ABHD17C: variants seen among roughly 807,000 people sequenced by gnomAD.
The protein encoded by ABHD17C is abhydrolase domain containing 17C, depalmitoylase, also known as alpha/beta hydrolase domain-containing protein 17C.
Under a neutral mutation model 27.9 loss-of-function variants are expected in ABHD17C, and 11 were observed. The observed-to-expected ratio is 0.39, with a 90% CI of 0.25 to 0.65. ABHD17C has a LOEUF of 0.65. ABHD17C is among the 30% of genes least tolerant of loss of function. The pLI is 0.45. For synonymous variants in ABHD17C, 233 were observed against 209.1 expected (o/e 1.11, Z -0.98); for missense variants, 280 against 470.2 (o/e 0.60, Z 3.74).
chr15:80,695,594 CGCCCCG>C lies in ABHD17C; in HGVS notation c.176_181del (p.Pro59_Ala60del), dbSNP rs1331879689. 6.3e-6 allele frequency: 7 copies of C among 1,103,988 alleles called. No individual in the cohort carries two copies. Among genetic ancestry groups the C allele is most frequent in the East Asian group, 5.3e-5 (1 of 18,850 alleles). The allele number at this position is 1,103,988 out of a possible 1,614,324, so 68.4% of individuals were successfully genotyped here. ...CGGAGCAGCGCGGCGCCGGCGCGTC[CGCCCCG>C]GCCCCGGCCCAGGCTACCGCCGCCG... On this transcript the variant is annotated inframe_deletion, in exon 1 of 3. Coordinates refer to ENST00000258884, the MANE Select transcript of ABHD17C (RefSeq NM_021214.2). This position sits in a 1 kb window ranked among gnomAD's most constrained non-coding sequence, Gnocchi z 4.3.
intron 1 of ABHD17C, among the ~76,000 whole-genome samples, chr15:80,723,138 A>ATGTGTGTGTGTGTG (rs57751486): frequency 0.068 from 8,546 of 124,892 alleles, 287 homozygotes; most frequent in East Asian, 0.16. Context: ...GTGTGTATAT[A>ATGTGTGTGTGTGTG]TGTGTGTGTG....
rs1354151203 is a variant in ABHD17C, at chr15:80,695,517, G to A, written c.88G>A (p.Ala30Thr). ...CTGCCCGCCCTGCCCGAGCCGCATCGCCGCCAAGCTGGCCTTCCTGCCGCC... is the reference window on the plus strand; with the variant it reads ...CTGCCCGCCCTGCCCGAGCCGCATCACCGCCAAGCTGGCCTTCCTGCCGCC... ...FCCPPCPSRI[A>T]AKLAFLPPEP... is the part of the protein sequence containing the mutation. Residue 30 changes from alanine (A) to threonine (T), a missense_variant, in exon 1 of 3, where the codon GCC becomes ACC. This residue lies in a region of ABHD17C where 74 missense variants were observed against 75.5 expected (regional missense o/e 0.98). Coordinates refer to ENST00000258884, the MANE Select transcript of ABHD17C (RefSeq NM_021214.2). This position sits in a 1 kb window ranked among gnomAD's most constrained non-coding sequence, Gnocchi z 4.3. The A allele has an allele frequency of 1.5e-6, 2 of 1,377,444 alleles. No homozygotes were observed. Among genetic ancestry groups the A allele is most frequent in the Admixed American group, 2.4e-5 (1 of 40,932 alleles). 85.3% of individuals were successfully genotyped at this position (1,377,444 alleles called of 1,614,324 possible). A position where few individuals can be genotyped will look rare whatever the true frequency, so the allele number is the denominator to read the frequency against.
At chr15:80,720,920 CA>C (rs563220446) in intron 1 of ABHD17C, among the ~76,000 whole-genome samples, 15,709 of 121,494 alleles carry the variant, frequency 0.13, 930 homozygotes, top group Middle Eastern at 0.21. Context: ...GACTCTGTCT[CA>C]AAAAAAAAAA....
intron 1 of ABHD17C, among the ~76,000 whole-genome samples, 186 bp from the exon 2 acceptor site, chr15:80,749,327 A>G (rs151025459): frequency 1.9e-3 from 289 of 152,314 alleles, no homozygotes; most frequent in African/African-American, 6.7e-3. Context: ...CTTAGTACCA[A>G]AACAGGCCCC....
rs754874820 is a variant in ABHD17C at position 80,754,614 on chromosome 15, TGA to T, written c.*248_*249del. ...CTTCATTACCTTGCAGGAATGGGAATGAGAGCTGAATGTAGGGACAATTTTCT... is the reference window on the plus strand; with the variant it reads ...CTTCATTACCTTGCAGGAATGGGAATGAGCTGAATGTAGGGACAATTTTCT... On this transcript the variant is annotated 3_prime_UTR_variant, in exon 3 of 3. Transcript: ENST00000258884. 4 of 467,120 alleles carry T rather than the reference TGA, an allele frequency of 8.6e-6. No homozygotes were observed. The East Asian group carries it at 1.5e-4, about 17-fold the overall frequency. The allele number at this position is 467,120 out of a possible 1,614,324, so 28.9% of individuals were successfully genotyped here.
At chr15:80,714,726 C>T (rs1894779918) in intron 1 of ABHD17C, among the ~76,000 whole-genome samples, 1 of 152,166 alleles carries the variant, frequency 6.6e-6, no homozygotes, top group Non-Finnish European at 1.5e-5. Context: ...CACACACAGA[C>T]ACGCACAAAT....
intron 1 of ABHD17C, among the ~76,000 whole-genome samples, chr15:80,709,146 T>C (rs932063407): frequency 1.3e-5 from 2 of 151,834 alleles, no homozygotes; most frequent in African/African-American, 2.4e-5. Flanking sequence ...ATATATACTT[T>C]TATAAATATA....
chr15:80,733,061 C>T (rs1357491965), intron 1 of ABHD17C, among the ~76,000 whole-genome samples: 1 of 152,188 alleles, frequency 6.6e-6, no homozygotes, highest in Non-Finnish European at 1.5e-5. Flanking sequence ...AGAGGCAAGC[C>T]TTACTCCACC....
In ABHD17C at chr15:80,695,571, G is replaced by C; in HGVS notation, c.142G>C (p.Glu48Gln). ...GCCCACCTACACGGTGCTGGCGCCGGAGCAGCGCGGCGCCGGCGCGTCCGC... is the reference window on the plus strand; with the variant it reads ...GCCCACCTACACGGTGCTGGCGCCGCAGCAGCGCGGCGCCGGCGCGTCCGC... The part of the protein sequence containing the change: ...PEPTYTVLAP[E>Q]QRGAGASAPA... Residue 48 changes from glutamate (E) to glutamine (Q), a missense_variant, in exon 1 of 3, where the codon GAG becomes CAG. Glu to Gln is a conservative substitution (Grantham distance 29). Transcript: ENST00000258884. The surrounding 1 kb of genome is among the most constrained non-coding windows in gnomAD (Gnocchi z 4.3). The C allele has an allele frequency of 7.6e-6, 9 of 1,190,838 alleles. No individual in the cohort carries two copies. The highest frequency in any genetic ancestry group is 8.4e-6 in the Non-Finnish European group (8 of 950,702). The allele number at this position is 1,190,838 out of a possible 1,614,324, so 73.8% of individuals were successfully genotyped here. A position where few individuals can be genotyped will look rare whatever the true frequency, so the allele number is the denominator to read the frequency against.
chr15:80,701,406 C>T (rs955781193), intron 1 of ABHD17C, among the ~76,000 whole-genome samples: 1 of 151,978 alleles, frequency 6.6e-6, no homozygotes, highest in Admixed American at 6.6e-5. Flanking sequence ...ATGTCGGCCG[C>T]GGTGGCTCAC....
intron 1 of ABHD17C, among the ~76,000 whole-genome samples, chr15:80,749,279 G>GT (rs1895333782): frequency 6.6e-6 from 1 of 152,116 alleles, no homozygotes; most frequent in African/African-American, 2.4e-5. Context: ...CATGTTTATT[G>GT]TTTTTTGCAA....
At chr15:80,726,580 T>C (rs757355715) in intron 1 of ABHD17C, among the ~76,000 whole-genome samples, 5 of 127,252 alleles carry the variant, frequency 3.9e-5, no homozygotes, top group Non-Finnish European at 7.7e-5. Flanking sequence ...GGCGAGATCT[T>C]GGCTCACTGC....
chr15:80,751,107 T>C (rs1448492151), intron 2 of ABHD17C, among the ~76,000 whole-genome samples: 1 of 151,944 alleles, frequency 6.6e-6, no homozygotes, highest in Non-Finnish European at 1.5e-5. Context: ...CCCAGTACTT[T>C]GGGAGGCCAA....
intron 1 of ABHD17C, among the ~76,000 whole-genome samples, chr15:80,698,250 G>C (rs1346253840): frequency 5.3e-5 from 8 of 152,116 alleles, no homozygotes; most frequent in African/African-American, 1.9e-4. Flanking sequence ...ATTTTTAGTA[G>C]AGACGGGGTT....
chr15:80,726,811 C>T lies in ABHD17C; in HGVS notation c.591-22702C>T, dbSNP rs573520920. 6.6e-5 allele frequency among the ~76,000 whole-genome samples: 10 copies of T among 152,276 alleles called. No homozygotes were observed. In the South Asian group the frequency reaches 1.2e-3, roughly 19 times the overall value. On this transcript the variant is annotated intron_variant, in intron 1 of 2. Transcript: ENST00000258884. ...AAGTGCTGGGATTACAGGCGTGAGC[C>T]GCCACACCCAACCCTTTTTCTTTTC...
At chr15:80,726,050 T>C (rs1894969700) in intron 1 of ABHD17C, among the ~76,000 whole-genome samples, 1 of 152,200 alleles carries the variant, frequency 6.6e-6, no homozygotes. Context: ...ATTGTTTCTA[T>C]AGATATTAAG....
chr15:80,714,292 T>C (rs1278115911), intron 1 of ABHD17C, among the ~76,000 whole-genome samples: 1 of 152,196 alleles, frequency 6.6e-6, no homozygotes, highest in African/African-American at 2.4e-5. Flanking sequence ...TGCATTAGAT[T>C]GTAGTTCTGG....
chr15:80,723,132 GTATA>G (rs71894538), intron 1 of ABHD17C, among the ~76,000 whole-genome samples: 8 of 103,104 alleles, frequency 7.8e-5, no homozygotes, highest in African/African-American at 2.9e-4. Context: ...TTGTGTGTGT[GTATA>G]TATGTGTGTG....
chr15:80,732,246 G>A (rs1895067166), intron 1 of ABHD17C, among the ~76,000 whole-genome samples: 1 of 152,194 alleles, frequency 6.6e-6, no homozygotes, highest in Admixed American at 6.5e-5. Context: ...TGCAGTGGTG[G>A]AATTCAGACA....
Sources: allele counts gnomAD v4.1 joint callset (sites outside exome capture counted in the v4.1 genomes callset), GRCh38; gene constraint gnomAD v4.1.1; regional missense constraint gnomAD v4.1.1; non-coding constraint Gnocchi (gnomAD v3.1); transcripts MANE v1.5; gene names NCBI Gene and HGNC (gene_info 2026-07-23, HGNC 2026-07-21).